Variants in RASSF3 observed in about 807,000 individuals in gnomAD.
The protein encoded by RASSF3 is Ras association domain family member 3.
Under a neutral mutation model 19.9 loss-of-function variants are expected in RASSF3, and 19 were observed. That is an observed-to-expected ratio of 0.96 (90% confidence interval 0.67 to 1.40). The LOEUF is 1.40. Ranked by LOEUF, RASSF3 falls within the 40% of genes most tolerant of loss-of-function variation. RASSF3 has a pLI of 0.00. For synonymous variants in RASSF3, 110 were observed against 104.2 expected, an observed-to-expected ratio of 1.06 and a Z score of -0.34; for missense variants, 306 against 289.8, an observed-to-expected ratio of 1.06 and a Z score of -0.41.
chr12:64,532,226 A>G (rs1592391365), upstream of RASSF3, among the ~76,000 whole-genome samples: 1 of 152,152 alleles, frequency 6.6e-6, no homozygotes, highest in East Asian at 1.9e-4. Flanking sequence ...AAACAGCCCT[A>G]TTTACAGGCC....
chr12:64,660,661 A>AT (rs1415387187), intron 1 of RASSF3, among the ~76,000 whole-genome samples: 3 of 152,116 alleles, frequency 2.0e-5, no homozygotes, highest in East Asian at 1.9e-4. Context: ...TTTTTAACGT[A>AT]TTTTTTCCCA....
chr12:64,565,197 A>C (rs2136127366), intron 2 of RASSF3, among the ~76,000 whole-genome samples: 1 of 151,088 alleles, frequency 6.6e-6, no homozygotes, highest in African/African-American at 2.4e-5. Flanking sequence ...GTCCATGAAT[A>C]GAGAAAAATT....
At chr12:64,619,763 C>T (rs1291091638) in intron 1 of RASSF3, among the ~76,000 whole-genome samples, 6 of 151,962 alleles carry the variant, frequency 3.9e-5, no homozygotes, top group African/African-American at 7.2e-5. Flanking sequence ...GGGCGGATCA[C>T]GAGGTCGGGA....
intron 1 of RASSF3, among the ~76,000 whole-genome samples, chr12:64,536,420 G>A (rs967887006): frequency 1.3e-5 from 2 of 152,182 alleles, no homozygotes; most frequent in African/African-American, 2.4e-5. Context: ...AAACAAAAAT[G>A]CATCAAAAGA....
intron 1 of RASSF3, among the ~76,000 whole-genome samples, chr12:64,677,690 G>T (rs948596323): frequency 9.2e-5 from 14 of 152,106 alleles, no homozygotes; most frequent in Admixed American, 2.0e-4. Context: ...ATTTCACTAG[G>T]GTTGAGCAGG....
At chr12:64,625,829 C>T (rs1252862463) in intron 1 of RASSF3, among the ~76,000 whole-genome samples, 2 of 152,066 alleles carry the variant, frequency 1.3e-5, no homozygotes, top group African/African-American at 4.8e-5. Flanking sequence ...AGGAAATAGG[C>T]CTGCTTATGC....
rs577602642 is a variant in RASSF3 at position 64,613,883 on chromosome 12, G to A, written c.111+3140G>A. ...GCATTGCTTAAGGCCGGGAGGCAGA[G>A]GTTGCAGTGAGCTGTGATCGCACCA... is the stretch of plus-strand genomic sequence containing the variant. On this transcript the variant is annotated intron_variant, in intron 1 of 4. Transcript: ENST00000542104. Among the ~76,000 whole-genome samples, 5 of 152,188 alleles carry A rather than the reference G, an allele frequency of 3.3e-5. No individual in the cohort carries two copies. In the East Asian group the frequency reaches 9.8e-4, roughly 30 times the overall value.
intron 2 of RASSF3, among the ~76,000 whole-genome samples, chr12:64,583,066 C>T (rs926262711): frequency 1.1e-4 from 16 of 152,022 alleles, no homozygotes; most frequent in African/African-American, 3.4e-4. Context: ...GCAGTTCTCT[C>T]CCCTGGAGAG....
At chr12:64,687,824 G>C (rs1873416510) in intron 2 of RASSF3, among the ~76,000 whole-genome samples, 1 of 152,096 alleles carries the variant, frequency 6.6e-6, no homozygotes, top group Non-Finnish European at 1.5e-5. Context: ...TTTCCTTTGA[G>C]CCTGTAGCCT....
chr12:64,575,172 C>G (rs1479644202), intron 2 of RASSF3, among the ~76,000 whole-genome samples: 1 of 152,218 alleles, frequency 6.6e-6, no homozygotes, highest in Non-Finnish European at 1.5e-5. Flanking sequence ...GGAATTTTAT[C>G]TAGGTCACTG....
intron 1 of RASSF3, among the ~76,000 whole-genome samples, chr12:64,520,262 G>A (rs904474125): frequency 2.1e-4 from 32 of 149,284 alleles, no homozygotes; most frequent in African/African-American, 7.6e-4. Context: ...TTCACCTCTT[G>A]GGTTCAAGCG....
intron 2 of RASSF3, among the ~76,000 whole-genome samples, chr12:64,573,404 ATTATT>A (rs1379700153): frequency 2.0e-5 from 3 of 152,242 alleles, no homozygotes; most frequent in African/African-American, 7.2e-5. Flanking sequence ...TTACTAATAC[ATTATT>A]TTATTTCATG....
At chr12:64,650,906 A>G (rs992699658) in intron 1 of RASSF3, among the ~76,000 whole-genome samples, 2 of 152,202 alleles carry the variant, frequency 1.3e-5, no homozygotes, top group Non-Finnish European at 2.9e-5. Context: ...ACACTTTGCT[A>G]TAAACTTTAT....
At chr12:64,554,452 G>A (rs571510597) in intron 2 of RASSF3, among the ~76,000 whole-genome samples, 10 of 152,092 alleles carry the variant, frequency 6.6e-5, no homozygotes, top group Non-Finnish European at 1.2e-4. Context: ...TCATAAGCAC[G>A]CACCACCACG....
chr12:64,543,370 G>C (rs1414206808), downstream of RASSF3, among the ~76,000 whole-genome samples: 1 of 126,728 alleles, frequency 7.9e-6, no homozygotes, highest in South Asian at 2.7e-4. Context: ...GCCTCCCCAC[G>C]GGGCAGGGCT....
intron 1 of RASSF3, among the ~76,000 whole-genome samples, chr12:64,538,758 T>C (rs1316588875): frequency 2.0e-5 from 3 of 152,072 alleles, no homozygotes; most frequent in African/African-American, 2.4e-5. Flanking sequence ...TTTTTAAAAA[T>C]TGGGGCCGGG....
chr12:64,659,573 G>A (rs1488465660), intron 1 of RASSF3, among the ~76,000 whole-genome samples: 2 of 152,122 alleles, frequency 1.3e-5, no homozygotes, highest in South Asian at 2.1e-4. Context: ...ATTGCTGAGG[G>A]AGGGGAGGGA....
chr12:64,621,374 C>T (rs1461735471), intron 1 of RASSF3, among the ~76,000 whole-genome samples: 1 of 152,190 alleles, frequency 6.6e-6, no homozygotes, highest in East Asian at 1.9e-4. Flanking sequence ...CTGCTTGAGT[C>T]TGTGCATTTT....
intron 2 of RASSF3, among the ~76,000 whole-genome samples, chr12:64,548,256 T>G (rs1869102581): frequency 1.3e-5 from 2 of 152,326 alleles, no homozygotes; most frequent in Admixed American, 6.5e-5. Context: ...CACAGCTCAC[T>G]GCAGTCTTGA....
Sources: gnomAD v4.1 joint callset for allele counts (sites outside exome capture counted in the v4.1 genomes callset) on GRCh38, gnomAD v4.1.1 for gene constraint, MANE v1.5 for transcripts, NCBI Gene and HGNC (gene_info 2026-07-23, HGNC 2026-07-21) for gene names.